Variants in PDE3A observed in about 807,000 individuals in gnomAD.
PDE3A encodes the protein phosphodiesterase 3A.
In PDE3A, 43 loss-of-function variants were observed where a neutral mutation model predicts 98.3. The observed-to-expected ratio is 0.44, with a 90% CI of 0.34 to 0.56. PDE3A has a LOEUF of 0.56. PDE3A is among the 20% of genes least tolerant of loss of function. The probability of loss-of-function intolerance (pLI) is 0.01; values close to 1 mark genes in which losing one functional copy is unlikely to be tolerated. For missense variants in PDE3A, 1,427 were observed against 1,440.7 expected (o/e 0.99, Z 0.15); for synonymous variants, 663 against 567.9 (o/e 1.17, Z -2.38).
chr12:20,425,964 G>A (rs965216202), intron 1 of PDE3A, among the ~76,000 whole-genome samples: 85 of 152,150 alleles, frequency 5.6e-4, no homozygotes, highest in African/African-American at 2.0e-3. Context: ...CTATTTCATA[G>A]AATTGTTATA....
intron 1 of PDE3A, among the ~76,000 whole-genome samples, chr12:20,462,496 C>T (rs1333941534): frequency 6.6e-6 from 1 of 152,084 alleles, no homozygotes; most frequent in East Asian, 1.9e-4. Flanking sequence ...TCTAAAACAA[C>T]AACAACAAAA....
At chr12:20,613,742 T>C in intron 3 of PDE3A, 42 bp downstream of exon 3, 3 of 1,517,014 alleles carry the variant, frequency 2.0e-6, no homozygotes, top group Middle Eastern at 3.5e-4. Flanking sequence ...TAAACTATTT[T>C]TTTTAATTGT....
chr12:20,373,307 T>C (rs1943512236), intron 1 of PDE3A, among the ~76,000 whole-genome samples: 1 of 152,094 alleles, frequency 6.6e-6, no homozygotes, highest in Non-Finnish European at 1.5e-5. Context: ...CTTTTCTAAG[T>C]GGACTTTCGC....
chr12:20,485,701 G>A (rs1244727214), intron 1 of PDE3A, among the ~76,000 whole-genome samples: 2 of 152,078 alleles, frequency 1.3e-5, no homozygotes, highest in African/African-American at 2.4e-5. Flanking sequence ...TGAAATCAAT[G>A]TTCTTATAAC....
intron 1 of PDE3A, among the ~76,000 whole-genome samples, chr12:20,417,710 G>C (rs758296075): frequency 8.0e-4 from 122 of 152,176 alleles, no homozygotes; most frequent in Non-Finnish European, 1.4e-3. Flanking sequence ...GTTTTACAGA[G>C]GAATAATAGG....
intron 1 of PDE3A, among the ~76,000 whole-genome samples, chr12:20,534,044 C>T (rs997576724): frequency 2.6e-5 from 4 of 152,234 alleles, no homozygotes; most frequent in Admixed American, 2.0e-4. Context: ...ATCCTCCAGC[C>T]CCCACTACCC....
At chr12:20,668,282 G>A (rs1412179985) in intron 15 of PDE3A, among the ~76,000 whole-genome samples, 29 of 152,342 alleles carry the variant, frequency 1.9e-4, no homozygotes, top group Admixed American at 7.2e-4. Context: ...AGGGGCGCCC[G>A]CCATTGCCCA....
At chr12:20,627,364 A>T (rs1319559696) in intron 5 of PDE3A, among the ~76,000 whole-genome samples, 2 of 151,884 alleles carry the variant, frequency 1.3e-5, no homozygotes, top group African/African-American at 4.8e-5. Flanking sequence ...GCCCTACCCA[A>T]CCCTATCCAG....
chr12:20,541,075 C>CTTTCTTTTTT (rs1941890167), intron 1 of PDE3A, among the ~76,000 whole-genome samples: 1 of 52,958 alleles, frequency 1.9e-5, no homozygotes, highest in African/African-American at 6.8e-5. Context: ...TGGTAACTTT[C>CTTTCTTTTTT]TTTTTTTTTT....
intron 1 of PDE3A, among the ~76,000 whole-genome samples, chr12:20,446,845 T>C (rs1458276145): frequency 6.6e-6 from 1 of 152,118 alleles, no homozygotes; most frequent in Non-Finnish European, 1.5e-5. Context: ...GGCGATTGCT[T>C]ATTTCTCTGA....
chr12:20,540,656 T>C (rs563419567), intron 1 of PDE3A, among the ~76,000 whole-genome samples: 5 of 152,248 alleles, frequency 3.3e-5, no homozygotes, highest in Non-Finnish European at 7.4e-5. Flanking sequence ...AATGTGTTTC[T>C]GTTCATGTTT....
chr12:20,474,483 A>C (rs1023905597), intron 1 of PDE3A, among the ~76,000 whole-genome samples: 1 of 152,218 alleles, frequency 6.6e-6, no homozygotes, highest in Non-Finnish European at 1.5e-5. Flanking sequence ...CCGCAAACTC[A>C]GTGGCTTAAA....
chr12:20,411,044 C>T (rs1345143835), intron 1 of PDE3A, among the ~76,000 whole-genome samples: 1 of 152,190 alleles, frequency 6.6e-6, no homozygotes, highest in Non-Finnish European at 1.5e-5. Context: ...TTTACCCCAT[C>T]TTCTAAACTA....
chr12:20,643,569 TAC>T (rs1384314585), intron 10 of PDE3A, among the ~76,000 whole-genome samples: 6 of 152,194 alleles, frequency 3.9e-5, no homozygotes, highest in Non-Finnish European at 2.9e-5. Flanking sequence ...CTCCTACACA[TAC>T]ACACATATAA....
chr12:20,570,989 TCTTC>T (rs1228120600), intron 2 of PDE3A, among the ~76,000 whole-genome samples: 1 of 152,184 alleles, frequency 6.6e-6, no homozygotes, highest in African/African-American at 2.4e-5. Context: ...ACTAGAAAAG[TCTTC>T]CTTTTAAGAA....
chr12:20,417,134 G>A lies in PDE3A; in HGVS notation c.960+46890G>A, dbSNP rs147585910. Among the ~76,000 whole-genome samples the A allele has an allele frequency of 8.7e-3, 1,317 of 152,204 alleles. 14 individuals carry two copies. The highest frequency in any genetic ancestry group is 0.03 in the African/African-American group (1,239 of 41,558). Reference sequence around the variant, plus strand: ...ACATTGTTAGTCTATAAGTTAATACGTGTAATTTAACCTTATCCCTGTACT... The same window carrying A: ...ACATTGTTAGTCTATAAGTTAATACATGTAATTTAACCTTATCCCTGTACT... On this transcript the variant is annotated intron_variant, in intron 1 of 15. Coordinates refer to ENST00000359062, the MANE Select transcript of PDE3A (RefSeq NM_000921.5).
rs191020887 is a variant in PDE3A, at chr12:20,429,389, C to G, written c.960+59145C>G. 1.2e-4 allele frequency among the ~76,000 whole-genome samples: 18 copies of G among 152,250 alleles called. No individual in the cohort carries two copies. In the East Asian group the frequency reaches 3.1e-3, roughly 26 times the overall value. Reference sequence around the variant, plus strand: ...ATTAACCCTTGCCTCAAATTGTTCCCTGGGAGAGTGCTGCAGGCTACAGCC... The same window carrying G: ...ATTAACCCTTGCCTCAAATTGTTCCGTGGGAGAGTGCTGCAGGCTACAGCC... On this transcript the variant is annotated intron_variant, in intron 1 of 15. Transcript: ENST00000359062.
At position 20,425,205 on chromosome 12, in the gene PDE3A, T is replaced by C. The variant is rs1944583602; in HGVS notation, c.960+54961T>C. 7.2e-5 allele frequency among the ~76,000 whole-genome samples: 11 copies of C among 152,178 alleles called. No homozygotes were observed. In the South Asian group the frequency reaches 2.3e-3, roughly 32 times the overall value. Reference sequence around the variant, plus strand: ...AATGTCTGGTGGTAATGCGTGTTTTTTGGAGTAGTCTTTAATTACTAAACA... The same window carrying C: ...AATGTCTGGTGGTAATGCGTGTTTTCTGGAGTAGTCTTTAATTACTAAACA... On this transcript the variant is annotated intron_variant, in intron 1 of 15. Transcript: ENST00000359062.
intron 1 of PDE3A, among the ~76,000 whole-genome samples, chr12:20,487,184 G>T (rs1453165233): frequency 6.6e-6 from 1 of 152,038 alleles, no homozygotes; most frequent in Non-Finnish European, 1.5e-5. Flanking sequence ...ACATGCCTAT[G>T]TGTAGAACTA....
Sources: allele counts gnomAD v4.1 joint callset (sites outside exome capture counted in the v4.1 genomes callset), GRCh38; gene constraint gnomAD v4.1.1; transcripts MANE v1.5; gene names NCBI Gene and HGNC (gene_info 2026-07-23, HGNC 2026-07-21).